PDE4B: variants seen among roughly 807,000 people sequenced by gnomAD.
The protein encoded by PDE4B is phosphodiesterase 4B, also known as 3',5'-cyclic-AMP phosphodiesterase 4B.
In PDE4B, 20 loss-of-function variants were observed where a neutral mutation model predicts 82.2. The observed-to-expected ratio is 0.24, with a 90% confidence interval of 0.17 to 0.35. PDE4B has a LOEUF of 0.35. Among genes scored for constraint, PDE4B ranks in the 10% least tolerant of loss-of-function variants. The probability of loss-of-function intolerance (pLI) is 1.00; values close to 1 mark genes in which losing one functional copy is unlikely to be tolerated. For missense variants in PDE4B, 655 were observed against 907.2 expected (o/e 0.72, Z 3.57); for synonymous variants, 320 against 318.9 (o/e 1.00, Z -0.04).
chr1:66,157,619 T>C (rs1646526498), intron 3 of PDE4B, among the ~76,000 whole-genome samples: 1 of 152,182 alleles, frequency 6.6e-6, no homozygotes, highest in South Asian at 2.1e-4. Flanking sequence ...CTACAGCTTT[T>C]TGTCCCTTAA....
intron 1 of PDE4B, among the ~76,000 whole-genome samples, chr1:65,904,665 T>G (rs1008579660): frequency 1.3e-5 from 2 of 152,166 alleles, no homozygotes; most frequent in African/African-American, 4.8e-5. Flanking sequence ...ACAATGCTTA[T>G]TTGCTGCTTC....
At chr1:66,034,732 T>C (rs778130641) in intron 3 of PDE4B, among the ~76,000 whole-genome samples, 7 of 152,216 alleles carry the variant, frequency 4.6e-5, no homozygotes, top group Non-Finnish European at 1.0e-4. Context: ...GGAACTTACA[T>C]TGCATGTGCT....
chr1:66,284,825 T>C (rs1656555866), intron 7 of PDE4B, among the ~76,000 whole-genome samples: 1 of 152,320 alleles, frequency 6.6e-6, no homozygotes, highest in East Asian at 1.9e-4. Flanking sequence ...GGGCTTTGCA[T>C]ACCTTCCAAG....
intron 3 of PDE4B, among the ~76,000 whole-genome samples, chr1:66,075,777 T>C (rs983372278): frequency 1.3e-5 from 2 of 152,034 alleles, no homozygotes; most frequent in Non-Finnish European, 2.9e-5. Flanking sequence ...CATGCTCATG[T>C]TCACCAAGCA....
At chr1:65,978,173 G>A (rs1478958422) in intron 3 of PDE4B, among the ~76,000 whole-genome samples, 9 of 148,952 alleles carry the variant, frequency 6.0e-5, no homozygotes, top group African/African-American at 9.9e-5. Flanking sequence ...GATTACAGGC[G>A]CCCACCAGCA....
chr1:66,064,675 A>G (rs1201515037), intron 3 of PDE4B, among the ~76,000 whole-genome samples: 1 of 151,896 alleles, frequency 6.6e-6, no homozygotes, highest in African/African-American at 2.4e-5. Flanking sequence ...TGATACCTCT[A>G]TGGAAACTTA....
At chr1:66,234,206 C>G (rs1652216488) in intron 3 of PDE4B, among the ~76,000 whole-genome samples, 4 of 152,142 alleles carry the variant, frequency 2.6e-5, no homozygotes, top group South Asian at 4.1e-4. Context: ...CACATTATTT[C>G]TTTCTTCTTG....
intron 1 of PDE4B, among the ~76,000 whole-genome samples, chr1:65,827,219 A>AT (rs1646029395): frequency 6.6e-6 from 1 of 151,972 alleles, no homozygotes; most frequent in African/African-American, 2.4e-5. Flanking sequence ...CTACTGTCAA[A>AT]TTTTTTGTTG....
At chr1:66,225,669 CA>C (rs1651393942) in intron 3 of PDE4B, among the ~76,000 whole-genome samples, 1 of 152,198 alleles carries the variant, frequency 6.6e-6, no homozygotes, top group African/African-American at 2.4e-5. Context: ...GCCCAGTAAC[CA>C]GGGCAGGGAT....
intron 1 of PDE4B, among the ~76,000 whole-genome samples, chr1:65,814,094 G>C (rs1179187682): frequency 6.6e-6 from 1 of 152,106 alleles, no homozygotes; most frequent in Non-Finnish European, 1.5e-5. Flanking sequence ...AGAAGGGCTG[G>C]GGCACTCTGG....
intron 3 of PDE4B, among the ~76,000 whole-genome samples, chr1:66,020,521 T>C (rs1208287536): frequency 6.6e-6 from 1 of 151,700 alleles, no homozygotes; most frequent in African/African-American, 2.4e-5. Context: ...TGTGTCCAAG[T>C]GTTCTCATTG....
At chr1:65,806,925 A>C (rs1023999139) in intron 1 of PDE4B, among the ~76,000 whole-genome samples, 3 of 152,244 alleles carry the variant, frequency 2.0e-5, no homozygotes, top group Admixed American at 6.5e-5. Flanking sequence ...AGCCATCAGG[A>C]TTAATCCTCT....
intron 3 of PDE4B, among the ~76,000 whole-genome samples, chr1:66,225,068 C>T (rs1200393546): frequency 6.6e-6 from 1 of 152,162 alleles, no homozygotes; most frequent in African/African-American, 2.4e-5. Flanking sequence ...CTTGGCTCCT[C>T]GAGGACTTTG....
chr1:66,134,924 G>A (rs1646025645), intron 3 of PDE4B, among the ~76,000 whole-genome samples: 1 of 152,368 alleles, frequency 6.6e-6, no homozygotes, highest in East Asian at 1.9e-4. Flanking sequence ...AGTCATATCT[G>A]TAGGGATAGA....
At chr1:66,366,290 C>T (rs912156086) in intron 13 of PDE4B, among the ~76,000 whole-genome samples, 1 of 152,112 alleles carries the variant, frequency 6.6e-6, no homozygotes, top group African/African-American at 2.4e-5. Context: ...CTTCCAACTG[C>T]ATAGATTTGA....
At chr1:66,196,094 A>T (rs2101501724) in intron 3 of PDE4B, among the ~76,000 whole-genome samples, 1 of 152,362 alleles carries the variant, frequency 6.6e-6, no homozygotes, top group Middle Eastern at 3.4e-3. Flanking sequence ...ACACAAAGCT[A>T]GAAACCTCAG....
chr1:66,007,842 G>T (rs1291071821), intron 3 of PDE4B, among the ~76,000 whole-genome samples: 2 of 152,160 alleles, frequency 1.3e-5, no homozygotes, highest in Admixed American at 6.5e-5. Flanking sequence ...AGATGAGAAA[G>T]TTGAGACTCA....
Position 66,247,603 on chromosome 1 carries a change from A to T in PDE4B, c.425A>T (p.Tyr142Phe). The change falls in exon 4 of 17, where the codon TAT becomes TTT. Residue 142 changes from tyrosine to phenylalanine, a missense_variant. Tyr to Phe is a conservative substitution (Grantham distance 22). Coordinates refer to ENST00000341517, the MANE Select transcript of PDE4B (RefSeq NM_002600.4). ...ESFLYRSDSDYDLSPKAMSRN... is the reference protein window; with the variant it reads ...ESFLYRSDSDFDLSPKAMSRN... The stretch of plus-strand genomic sequence containing the variant: ...TTTCTCTACAGATCAGACAGCGACT[A>T]TGACTTGTCACCAAAGGCGATGTCG... 1 of 1,605,950 alleles carries T rather than the reference A, an allele frequency of 6.2e-7. No homozygotes were observed. Among genetic ancestry groups the T allele is most frequent in the South Asian group, 1.1e-5 (1 of 90,138 alleles).
At chr1:65,932,046 A>G (rs1401318975) in intron 3 of PDE4B, among the ~76,000 whole-genome samples, 1 of 152,152 alleles carries the variant, frequency 6.6e-6, no homozygotes, top group Non-Finnish European at 1.5e-5. Flanking sequence ...GGAAGGGAAG[A>G]GTTAGTCTGC....
Sources: allele counts gnomAD v4.1 joint callset (sites outside exome capture counted in the v4.1 genomes callset), GRCh38; gene constraint gnomAD v4.1.1; transcripts MANE v1.5; gene names NCBI Gene and HGNC (gene_info 2026-07-23, HGNC 2026-07-21).